Variants in UPF3B observed in about 807,000 individuals in gnomAD.
UPF3B encodes the protein UPF3B regulator of nonsense mediated mRNA decay.
In UPF3B, 7 loss-of-function variants were observed where a neutral mutation model predicts 40.3. The observed-to-expected ratio is 0.17, with a 90% CI of 0.10 to 0.33. The LOEUF (loss-of-function observed/expected upper bound fraction) is 0.33. Ranked by LOEUF, UPF3B falls within the 10% of genes least tolerant of loss-of-function variation. The pLI is 1.00. For synonymous variants in UPF3B, 117 were observed against 117.3 expected, an observed-to-expected ratio of 1.00 and a Z score of 0.01; for missense variants, 229 against 358.9, an observed-to-expected ratio of 0.64 and a Z score of 2.93.
At chrX:119,826,870 G>A (rs747120080) in intron 3 of UPF3B, among the ~76,000 whole-genome samples, 1 of 112,275 alleles carries the variant, frequency 8.9e-6, no homozygotes, top group South Asian at 3.7e-4. Context: ...CAGTCAAAGC[G>A]AAATGGACTG....
intron 4 of UPF3B, among the ~76,000 whole-genome samples, chrX:119,817,599 A>G (rs1286632575): frequency 8.9e-6 from 1 of 112,039 alleles, no homozygotes; most frequent in African/African-American, 3.2e-5. Flanking sequence ...CAAAAAGTCC[A>G]TGGAAAATGT....
chrX:119,842,601 CACAT>C (rs774205196), intron 5 of UPF3B, among the ~76,000 whole-genome samples: 1,770 of 91,030 alleles, frequency 0.019, 16 homozygotes, highest in South Asian at 0.07. Context: ...CACACACACA[CACAT>C]ACACACACAC....
chrX:119,850,067 G>GC (rs937030656), intron 3 of UPF3B, among the ~76,000 whole-genome samples: 1 of 102,557 alleles, frequency 9.8e-6, no homozygotes, highest in African/African-American at 3.9e-5. Context: ...AGGTGGGGGG[G>GC]GGGAAATCAC....
chrX:119,823,547 C>CTTTTTTCCTTTTTTTTTTTTTTTTTTTTT (rs2055944406), intron 3 of UPF3B, among the ~76,000 whole-genome samples: 1 of 86,087 alleles, frequency 1.2e-5, no homozygotes. Flanking sequence ...CATTTCTTTT[C>CTTTTTTCCTTTTTTTTTTTTTTTTTTTTT]TTTTTTTCCT....
At chrX:119,822,378 G>A (rs753054487) in intron 4 of UPF3B, among the ~76,000 whole-genome samples, 1 of 112,826 alleles carries the variant, frequency 8.9e-6, no homozygotes, top group Admixed American at 9.4e-5. Context: ...AACAGCTTTT[G>A]ATTTTAAAAC....
Position 119,806,978 on chromosome X carries a change from G to A in UPF3B, c.*11+497C>T, listed in dbSNP as rs184753924. Among the ~76,000 whole-genome samples the A allele has an allele frequency of 6.8e-3, 596 of 87,984 alleles. 8 individuals carry two copies. The highest frequency in any genetic ancestry group is 0.026 in the African/African-American group (565 of 21,681). 76.4% of individuals were successfully genotyped at this position (87,984 alleles called of 115,157 possible). A position where few individuals can be genotyped will look rare whatever the true frequency, so the allele number is the denominator to read the frequency against. Reference sequence around the variant, plus strand: ...CAGGAGGTGGAGGTTGCAGTGAACCGACATTGAGCCACTGTACTCCAGGCT... The same window carrying A: ...CAGGAGGTGGAGGTTGCAGTGAACCAACATTGAGCCACTGTACTCCAGGCT... On this transcript the variant is annotated intron_variant, in intron 6 of 6. Coordinates refer to the UPF3B transcript ENST00000636792.
intron 3 of UPF3B, among the ~76,000 whole-genome samples, chrX:119,848,098 A>G (rs113825207): frequency 0.042 from 4,513 of 108,444 alleles, 93 homozygotes; most frequent in East Asian, 0.15. Context: ...TGGCCAACAC[A>G]GTGAAACCCC....
rs891377168 is a variant in UPF3B at position 119,834,633 on chromosome X, G to A, written c.*245C>T. On this transcript the variant is annotated 3_prime_UTR_variant, in exon 11 of 11. Coordinates refer to ENST00000276201, the MANE Select transcript of UPF3B (RefSeq NM_080632.3). ...GCAAATTGCAATGCATGTCCTTGCC[G>A]TCACCTTTTTCTGACACTTTAAAAT... 7.6e-6 allele frequency: 8 copies of A among 1,048,212 alleles called. No homozygotes were observed. Among genetic ancestry groups the A allele is most frequent in the South Asian group, 5.2e-5 (2 of 38,340 alleles). The allele number at this position is 1,048,212 out of a possible 1,213,427, so 86.4% of individuals were successfully genotyped here. A position where few individuals can be genotyped will look rare whatever the true frequency, so the allele number is the denominator to read the frequency against.
chrX:119,850,865 A>C (rs2147801309), intron 3 of UPF3B, among the ~76,000 whole-genome samples: 1 of 111,914 alleles, frequency 8.9e-6, no homozygotes, highest in African/African-American at 3.2e-5. Context: ...CAGCCTCCCA[A>C]GTAGCTGGGA....
intron 4 of UPF3B, among the ~76,000 whole-genome samples, chrX:119,821,205 C>A (rs750489015): frequency 8.9e-6 from 1 of 111,951 alleles, no homozygotes; most frequent in Non-Finnish European, 1.9e-5. Context: ...GCTCCTGCTT[C>A]ACTTTCCGCC....
chrX:119,852,673 G>A, intron 1 of UPF3B, 100 bp downstream of exon 1: 1 of 1,142,389 alleles, frequency 8.8e-7, no homozygotes, highest in South Asian at 1.8e-5. Context: ...AGAGATAGAA[G>A]GAGAACCTGA....
chrX:119,846,520 A>G (rs1210832555), intron 3 of UPF3B, among the ~76,000 whole-genome samples: 2 of 106,624 alleles, frequency 1.9e-5, no homozygotes, highest in East Asian at 2.8e-4. Context: ...AAAAAAAAAA[A>G]AAAAGAAAAA....
chrX:119,813,915 G>A (rs998573074), intron 5 of UPF3B, among the ~76,000 whole-genome samples: 1 of 110,933 alleles, frequency 9.0e-6, no homozygotes, highest in African/African-American at 3.3e-5. Context: ...TTTTAGCAGT[G>A]CAAGAATGGT....
At chrX:119,826,118 GC>G (rs1266449120) in intron 3 of UPF3B, among the ~76,000 whole-genome samples, 7 of 110,889 alleles carry the variant, frequency 6.3e-5, no homozygotes, top group African/African-American at 2.3e-4. Context: ...CCGAGATCGT[GC>G]CACTGCACTC....
chrX:119,819,211 G>A (rs1217367795), intron 4 of UPF3B, among the ~76,000 whole-genome samples: 3 of 109,361 alleles, frequency 2.7e-5, no homozygotes, highest in African/African-American at 1.0e-4. Flanking sequence ...GCACCACCAC[G>A]CCTGGCTAAT....
chrX:119,852,088 G>A (rs769761056), intron 1 of UPF3B, among the ~76,000 whole-genome samples: 60 of 111,029 alleles, frequency 5.4e-4, no homozygotes, highest in Admixed American at 3.0e-3. Flanking sequence ...ACCACCTGGA[G>A]CAAGGAAAAA....
At chrX:119,821,976 T>C (rs1413906456) in intron 4 of UPF3B, among the ~76,000 whole-genome samples, 1 of 111,268 alleles carries the variant, frequency 9.0e-6, no homozygotes, top group African/African-American at 3.3e-5. Flanking sequence ...CTGGAGAGGG[T>C]AGGCACCAGA....
intron 3 of UPF3B, among the ~76,000 whole-genome samples, chrX:119,850,328 AC>A (rs2056287941): frequency 8.9e-6 from 1 of 111,821 alleles, no homozygotes; most frequent in Admixed American, 9.6e-5. Flanking sequence ...TTCATAACTT[AC>A]ATGTAAGAGA....
chrX:119,828,518 A>G (rs2056004285), intron 3 of UPF3B, among the ~76,000 whole-genome samples: 1 of 111,098 alleles, frequency 9.0e-6, no homozygotes, highest in Admixed American at 9.6e-5. Context: ...CAAAAAATAC[A>G]AAAAGTAGCT....
Sources: gnomAD v4.1 joint callset for allele counts (sites outside exome capture counted in the v4.1 genomes callset) on GRCh38, gnomAD v4.1.1 for gene constraint, MANE v1.5 for transcripts, NCBI Gene and HGNC (gene_info 2026-07-23, HGNC 2026-07-21) for gene names.